COL21A1: variants seen among roughly 807,000 people sequenced by gnomAD.
The protein encoded by COL21A1 is collagen alpha-1(XXI) chain.
A neutral mutation model predicts 137.9 loss-of-function variants in COL21A1; 149 were observed. That is an observed-to-expected ratio of 1.08 (90% CI 0.95 to 1.24). The LOEUF (loss-of-function observed/expected upper bound fraction) is 1.24. Among genes scored for constraint, COL21A1 ranks in the 50% most tolerant of loss-of-function variants. The probability of loss-of-function intolerance (pLI) is 0.00; values close to 1 mark genes in which losing one functional copy is unlikely to be tolerated. For synonymous variants in COL21A1, 456 were observed against 391.5 expected, an observed-to-expected ratio of 1.16 and a Z score of -1.95; for missense variants, 1,167 against 1,158.4, an observed-to-expected ratio of 1.01 and a Z score of -0.11.
At chr6:56,062,396 GA>G (rs1367985773) in intron 24 of COL21A1, among the ~76,000 whole-genome samples, 7 of 152,026 alleles carry the variant, frequency 4.6e-5, no homozygotes, top group Non-Finnish European at 8.8e-5. Flanking sequence ...TATTATAGAG[GA>G]AAAAAACTCT....
intron 1 of COL21A1, among the ~76,000 whole-genome samples, chr6:56,193,679 A>G (rs746860672): frequency 6.6e-5 from 10 of 152,172 alleles, no homozygotes; most frequent in Non-Finnish European, 1.0e-4. Flanking sequence ...ATGAAAAAAA[A>G]CTAGTCCATT....
intron 1 of COL21A1, among the ~76,000 whole-genome samples, chr6:56,291,198 C>T (rs1764033095): frequency 6.6e-6 from 1 of 152,150 alleles, no homozygotes; most frequent in South Asian, 2.1e-4. Context: ...AAGTAAAACT[C>T]TAACAATATA....
intron 1 of COL21A1, among the ~76,000 whole-genome samples, chr6:56,308,247 C>G (rs977245222): frequency 4.6e-5 from 7 of 152,264 alleles, no homozygotes; most frequent in African/African-American, 1.7e-4. Context: ...AGCTTACCAG[C>G]TTCCATCTTC....
intron 1 of COL21A1, among the ~76,000 whole-genome samples, chr6:56,223,047 A>G (rs1259083240): frequency 6.6e-6 from 1 of 152,022 alleles, no homozygotes; most frequent in Non-Finnish European, 1.5e-5. Context: ...CAGAACAAAA[A>G]AAAAAAAATT....
chr6:56,245,646 G>A (rs889819848), intron 1 of COL21A1, among the ~76,000 whole-genome samples: 6 of 152,070 alleles, frequency 3.9e-5, no homozygotes, highest in African/African-American at 9.7e-5. Flanking sequence ...GTACTAGTAC[G>A]CCCCACATTT....
Position 56,067,258 on chromosome 6 carries a change from T to C in COL21A1, c.2127+37A>G, listed in dbSNP as rs553042612. The C allele has an allele frequency of 4.2e-4, 644 of 1,550,806 alleles. 6 individuals carry two copies. In the South Asian group the frequency reaches 5.5e-3, roughly 13 times the overall value. ...AAGAACTTTTTAAAAGCTCTGATTT[T>C]ATTGCTCAGCCTACTAAAAAAAAGC... On this transcript the variant is annotated intron_variant, in intron 23 of 29. Transcript: ENST00000244728.
rs373330388 is a variant in COL21A1 at position 56,136,592 on chromosome 6, C to T, written c.1542+5193G>A. 3.3e-4 allele frequency among the ~76,000 whole-genome samples: 50 copies of T among 152,000 alleles called. 1 individual carries two copies. Among genetic ancestry groups the T allele is most frequent in the African/African-American group, 6.8e-4 (28 of 41,394 alleles). On this transcript the variant is annotated intron_variant, in intron 12 of 29. Coordinates refer to ENST00000244728, the MANE Select transcript of COL21A1 (RefSeq NM_030820.4). The stretch of plus-strand genomic sequence containing the variant: ...TGATGAGCCTGTCCATCTTTTAAGC[C>T]GATCTAGAGTCATAGTCTTCAGTCA...
In COL21A1 at chr6:56,177,007, G is replaced by A. The variant is rs1436382580; in HGVS notation, c.640+2571C>T. Among the ~76,000 whole-genome samples, 2 of 148,908 alleles carry A rather than the reference G, an allele frequency of 1.3e-5. 1 individual carries two copies. Among genetic ancestry groups the A allele is most frequent in the African/African-American group, 5.0e-5 (2 of 39,732 alleles). On this transcript the variant is annotated intron_variant, in intron 3 of 29. Coordinates refer to ENST00000244728, the MANE Select transcript of COL21A1 (RefSeq NM_030820.4). ...GGAAGAGGGAGGAGGAAGGAGGAGG[G>A]AGAAGGAGGAGGAAGAAGAAGAGGA...
At chr6:56,241,555 A>G (rs1782325932) in intron 1 of COL21A1, among the ~76,000 whole-genome samples, 1 of 152,176 alleles carries the variant, frequency 6.6e-6, no homozygotes, top group Non-Finnish European at 1.5e-5. Flanking sequence ...AGAGCTGTAA[A>G]ATGATCCAAA....
chr6:56,196,375 C>T (rs9464354), intron 1 of COL21A1, among the ~76,000 whole-genome samples: 3,293 of 152,102 alleles, frequency 0.022, 123 homozygotes, highest in African/African-American at 0.075. Context: ...CCAAACCAAT[C>T]AGGCAAGAAA....
Position 56,322,945 on chromosome 6 carries a change from T to G in COL21A1, c.-39+71026A>C, listed in dbSNP as rs184044265. On this transcript the variant is annotated intron_variant, in intron 1 of 28. Transcript: ENST00000370819. ...ACAAGTTTTAAATTTTCAAGTTTTT[T>G]TTATTAATAAGAGCTAAGTAATGTG... Among the ~76,000 whole-genome samples, 6 of 152,042 alleles carry G rather than the reference T, an allele frequency of 3.9e-5. No individual in the cohort carries two copies. The East Asian group carries it at 1.2e-3, about 29-fold the overall frequency.
At chr6:56,202,355 A>C (rs1435027380) in intron 1 of COL21A1, among the ~76,000 whole-genome samples, 2 of 152,142 alleles carry the variant, frequency 1.3e-5, no homozygotes, top group Middle Eastern at 3.2e-3. Flanking sequence ...TTGAAGCTAA[A>C]AACCCAAGAG....
intron 1 of COL21A1, among the ~76,000 whole-genome samples, chr6:56,354,955 A>G (rs9370524): frequency 0.64 from 98,000 of 151,990 alleles, 32,178 homozygotes; most frequent in East Asian, 0.93. Flanking sequence ...ATTGGACAGT[A>G]ATAAAAAGTT....
At chr6:56,059,340 C>T in intron 28 of COL21A1, 98 bp from the exon 29 acceptor site, 1 of 707,984 alleles carries the variant, frequency 1.4e-6, no homozygotes, top group Non-Finnish European at 2.2e-6. Context: ...AGAAAAATGT[C>T]TTTTAAAAAC....
At position 56,180,078 on chromosome 6, in the gene COL21A1, C is replaced by G; in HGVS notation, c.140G>C (p.Ser47Thr). The G allele has an allele frequency of 1.2e-6, 2 of 1,613,624 alleles. No homozygotes were observed. Among genetic ancestry groups the G allele is most frequent in the Non-Finnish European group, 1.7e-6 (2 of 1,179,776 alleles). ...TATTTCAAAGTTTTCTGGGCCAACACTATAAGAGCCATCTAAGATGAAAAC... is the reference window on the plus strand; with the variant it reads ...TATTTCAAAGTTTTCTGGGCCAACAGTATAAGAGCCATCTAAGATGAAAAC... ...DLVFILDGSYSVGPENFEIVK... is the reference protein window; with the variant it reads ...DLVFILDGSYTVGPENFEIVK... Residue 47 changes from serine to threonine, a missense_variant, in exon 3 of 30, where the codon AGT becomes ACT. Transcript: ENST00000244728.
intron 1 of COL21A1, among the ~76,000 whole-genome samples, chr6:56,338,611 C>A (rs57916745): frequency 0.15 from 22,864 of 152,088 alleles, 2,232 homozygotes; most frequent in African/African-American, 0.28. Context: ...CTCTCTATCT[C>A]TTCTCCCTTT....
chr6:56,164,237 G>T (rs554371102), intron 9 of COL21A1, among the ~76,000 whole-genome samples, 186 bp downstream of exon 9: 4 of 152,090 alleles, frequency 2.6e-5, no homozygotes, highest in Non-Finnish European at 5.9e-5. Context: ...GGTTCAAAAG[G>T]TATCCTAATC....
intron 1 of COL21A1, among the ~76,000 whole-genome samples, chr6:56,378,343 A>G (rs952295017): frequency 1.3e-5 from 2 of 152,094 alleles, no homozygotes; most frequent in African/African-American, 2.4e-5. Flanking sequence ...AGCAGAGCCC[A>G]TTCCCCTGAA....
At chr6:56,295,396 G>T (rs554699282) in intron 1 of COL21A1, among the ~76,000 whole-genome samples, 47 of 152,006 alleles carry the variant, frequency 3.1e-4, no homozygotes, top group African/African-American at 1.1e-3. Flanking sequence ...TGCTGACTTT[G>T]CTTTTCTCCT....
Sources: gnomAD v4.1 joint callset for allele counts (sites outside exome capture counted in the v4.1 genomes callset) on GRCh38, gnomAD v4.1.1 for gene constraint, MANE v1.5 for transcripts, NCBI Gene and HGNC (gene_info 2026-07-23, HGNC 2026-07-21) for gene names.